DUS2: variants seen among roughly 807,000 people sequenced by gnomAD.
DUS2 encodes tRNA-dihydrouridine(20) synthase [NAD(P)+]-like.
In DUS2, 52 loss-of-function variants were observed where a neutral mutation model predicts 71.3. That is an observed-to-expected ratio of 0.73 (90% CI 0.58 to 0.92). DUS2 has a LOEUF of 0.92. Among genes scored for constraint, DUS2 ranks in the 40% least tolerant of loss-of-function variants. The pLI is 0.00. For synonymous variants in DUS2, 204 were observed against 227.8 expected (o/e 0.90, Z 0.94); for missense variants, 558 against 622.6 (o/e 0.90, Z 1.10).
At chr16:68,050,343 G>T (rs1028750040) in intron 4 of DUS2, among the ~76,000 whole-genome samples, 1 of 152,044 alleles carries the variant, frequency 6.6e-6, no homozygotes, top group Admixed American at 6.6e-5. Context: ...TCACCATGGC[G>T]GCCAGTCTGG....
At chr16:68,056,813 T>C (rs1398070364) in intron 7 of DUS2, among the ~76,000 whole-genome samples, 1 of 146,258 alleles carries the variant, frequency 6.8e-6, no homozygotes, top group East Asian at 1.9e-4. Flanking sequence ...ATATATATTT[T>C]ATTATATATT....
chr16:68,053,444 A>T (rs1198348866), intron 4 of DUS2, 120 bp from the exon 5 acceptor site: 2 of 857,268 alleles, frequency 2.3e-6, no homozygotes, highest in Non-Finnish European at 3.8e-6. Flanking sequence ...AGAATGGTAT[A>T]CATTTAGGAT....
At chr16:68,054,454 C>A in intron 5 of DUS2, 120 bp from the exon 6 acceptor site, 1 of 1,135,970 alleles carries the variant, frequency 8.8e-7, no homozygotes, top group Non-Finnish European at 1.3e-6. Flanking sequence ...AGAAAGCCAG[C>A]CTGACTCTGT....
chr16:68,066,931 A>G (rs2034014001), intron 10 of DUS2, among the ~76,000 whole-genome samples: 1 of 152,054 alleles, frequency 6.6e-6, no homozygotes, highest in Non-Finnish European at 1.5e-5. Flanking sequence ...TGTAAATGCT[A>G]GAGATTGAGT....
In DUS2 at chr16:68,023,310, G is replaced by A; in HGVS notation, c.-140G>A. 3 of 1,305,622 alleles carry A rather than the reference G, an allele frequency of 2.3e-6. No homozygotes were observed. The highest frequency in any genetic ancestry group is 1.5e-5 in the African/African-American group (1 of 66,374). 80.9% of individuals were successfully genotyped at this position (1,305,622 alleles called of 1,614,324 possible). ...GTACGGTGTGTGGAGCTGGAGCACC[G>A]TGAGGAAGAAGCGAGGTTCTTTTTA... On this transcript the variant is annotated 5_prime_UTR_variant, in exon 1 of 17. The change creates a new upstream start codon in the 5' untranslated region. Transcript: ENST00000565263.
At chr16:68,059,049 C>CA (rs1441759052) in intron 7 of DUS2, among the ~76,000 whole-genome samples, 1 of 151,920 alleles carries the variant, frequency 6.6e-6, no homozygotes, top group Non-Finnish European at 1.5e-5. Context: ...GCATGTCTAC[C>CA]AAAAAATATA....
At chr16:68,067,435 C>G (rs2034026829) in intron 10 of DUS2, among the ~76,000 whole-genome samples, 1 of 147,466 alleles carries the variant, frequency 6.8e-6, no homozygotes, top group Non-Finnish European at 1.5e-5. Flanking sequence ...GTGCGCTCCA[C>G]CATGCCCAGC....
At chr16:68,060,987 C>A in intron 7 of DUS2, 79 bp from the exon 8 acceptor site, 2 of 1,420,030 alleles carry the variant, frequency 1.4e-6, no homozygotes, top group South Asian at 2.3e-5. Context: ...GGGTGACGCT[C>A]AGTTGCCAGA....
Position 68,078,851 on chromosome 16 carries a change from CAAGCGA to C in DUS2, c.1351_1356del (p.Lys452_Arg453del). ...TGGGTGAGGAGAGCCCTTCCTTGCA[CAAGCGA>C]AAGAGGGAGGCTCCTGACCAAGACC... is the stretch of plus-strand genomic sequence containing the variant. On this transcript the variant is annotated inframe_deletion, in exon 17 of 17. Transcript: ENST00000565263. 6.2e-7 allele frequency: 1 copy of C among 1,613,840 alleles called. No individual in the cohort carries two copies. Among genetic ancestry groups the C allele is most frequent in the Non-Finnish European group, 8.5e-7 (1 of 1,179,866 alleles).
intron 3 of DUS2, among the ~76,000 whole-genome samples, chr16:68,048,327 T>C (rs1416742103): frequency 2.6e-5 from 4 of 152,206 alleles, no homozygotes; most frequent in Non-Finnish European, 5.9e-5. Flanking sequence ...TTTCTTTTTA[T>C]AAGCACAGGC....
At chr16:68,049,474 G>A in intron 3 of DUS2, 31 bp from the exon 4 acceptor site, 3 of 1,613,290 alleles carry the variant, frequency 1.9e-6, no homozygotes, top group African/African-American at 1.3e-5. Context: ...ACATGTTCAG[G>A]AATGACAAGC....
At chr16:68,050,659 AT>A (rs1026566830) in intron 4 of DUS2, among the ~76,000 whole-genome samples, 1 of 152,156 alleles carries the variant, frequency 6.6e-6, no homozygotes, top group Non-Finnish European at 1.5e-5. Flanking sequence ...AGGAAAAAAA[AT>A]GTATCTATAT....
chr16:68,035,734 T>G (rs1193147524), intron 2 of DUS2, among the ~76,000 whole-genome samples: 2 of 148,960 alleles, frequency 1.3e-5, no homozygotes, highest in Non-Finnish European at 3.0e-5. Flanking sequence ...TTTTTTTTTT[T>G]GAGACATTTA....
At chr16:68,024,622 C>T (rs1483832096) in intron 1 of DUS2, among the ~76,000 whole-genome samples, 1 of 152,040 alleles carries the variant, frequency 6.6e-6, no homozygotes, top group Admixed American at 6.6e-5. Flanking sequence ...TACACTCTAC[C>T]CTTGTGCTAC....
chr16:68,026,014 A>C (rs959350112), intron 2 of DUS2, among the ~76,000 whole-genome samples: 1 of 152,132 alleles, frequency 6.6e-6, no homozygotes, highest in African/African-American at 2.4e-5. Flanking sequence ...AGGCCTAGAC[A>C]AGGTCTTGCT....
At chr16:68,052,084 A>G (rs909902669) in intron 4 of DUS2, among the ~76,000 whole-genome samples, 1 of 150,952 alleles carries the variant, frequency 6.6e-6, no homozygotes, top group African/African-American at 2.4e-5. Flanking sequence ...TTTGTATTTT[A>G]GTAGAGACTT....
At chr16:68,058,920 C>T (rs998412351) in intron 7 of DUS2, among the ~76,000 whole-genome samples, 6 of 152,120 alleles carry the variant, frequency 3.9e-5, no homozygotes, top group African/African-American at 1.4e-4. Flanking sequence ...AGATAAAAAG[C>T]ATAGATTGAG....
intron 12 of DUS2, among the ~76,000 whole-genome samples, chr16:68,071,324 T>G (rs2034084030): frequency 1.3e-5 from 2 of 152,198 alleles, no homozygotes; most frequent in Admixed American, 6.5e-5. Context: ...CCCTACCATC[T>G]CCTAAAGCTT....
chr16:68,054,862 G>A (rs2033829548), intron 6 of DUS2, among the ~76,000 whole-genome samples: 1 of 152,084 alleles, frequency 6.6e-6, no homozygotes, highest in African/African-American at 2.4e-5. Flanking sequence ...GGCCAACATG[G>A]TGAAACCCTG....
Sources: gnomAD v4.1 joint callset for allele counts (sites outside exome capture counted in the v4.1 genomes callset) on GRCh38, gnomAD v4.1.1 for gene constraint, MANE v1.5 for transcripts, NCBI Gene and HGNC (gene_info 2026-07-23, HGNC 2026-07-21) for gene names.